The following THEMIS variants were observed in gnomAD, a reference collection of about 807,000 sequenced individuals.
THEMIS encodes the protein protein THEMIS.
A neutral mutation model predicts 52.6 loss-of-function variants in THEMIS; 37 were observed. The ratio of observed to expected loss-of-function variants is 0.70; its 90% CI spans 0.54 to 0.93. The LOEUF is 0.93. THEMIS is among the 40% of genes least tolerant of loss of function. THEMIS has a pLI of 0.00. For missense variants in THEMIS, 808 were observed against 763.1 expected, an observed-to-expected ratio of 1.06 and a Z score of -0.69; for synonymous variants, 292 against 272.7, an observed-to-expected ratio of 1.07 and a Z score of -0.70.
At chr6:127,735,917 A>G (rs1774989047) in intron 4 of THEMIS, among the ~76,000 whole-genome samples, 1 of 152,232 alleles carries the variant, frequency 6.6e-6, no homozygotes, top group African/African-American at 2.4e-5. Context: ...CAAATCCTGA[A>G]AGCATTCATG....
intron 4 of THEMIS, among the ~76,000 whole-genome samples, chr6:127,727,116 A>G (rs1774575157): frequency 6.6e-6 from 1 of 152,170 alleles, no homozygotes; most frequent in African/African-American, 2.4e-5. Context: ...GGCTTACTCA[A>G]AATGCTGATG....
At chr6:127,852,635 A>G (rs945231446) in intron 2 of THEMIS, among the ~76,000 whole-genome samples, 2 of 151,586 alleles carry the variant, frequency 1.3e-5, no homozygotes, top group Non-Finnish European at 3.0e-5. Flanking sequence ...TTTAAGTCAA[A>G]AATCTAATTG....
intron 4 of THEMIS, among the ~76,000 whole-genome samples, chr6:127,724,802 G>A (rs1334571522): frequency 6.6e-6 from 1 of 151,496 alleles, no homozygotes; most frequent in African/African-American, 2.4e-5. Flanking sequence ...ACAAAGAAAG[G>A]AACAAATAAA....
chr6:127,896,487 A>G (rs1377433106), intron 1 of THEMIS, among the ~76,000 whole-genome samples: 2 of 151,566 alleles, frequency 1.3e-5, no homozygotes, highest in Non-Finnish European at 1.5e-5. Flanking sequence ...AATGAAATAG[A>G]CTTAAATAAC....
chr6:127,858,156 T>G (rs1779679065), intron 1 of THEMIS, among the ~76,000 whole-genome samples: 1 of 152,076 alleles, frequency 6.6e-6, no homozygotes, highest in African/African-American at 2.4e-5. Context: ...AGATTTCATA[T>G]CAATTCACAT....
chr6:127,710,046 A>G (rs1409594196), intron 5 of THEMIS, 30 bp from the exon 6 acceptor site: 1 of 1,473,708 alleles, frequency 6.8e-7, no homozygotes, highest in Admixed American at 2.0e-5. Context: ...GGTTTATCAG[A>G]AATAAGTATT....
chr6:127,791,705 GC>G (rs1267928682), intron 4 of THEMIS, among the ~76,000 whole-genome samples: 4 of 152,144 alleles, frequency 2.6e-5, no homozygotes, highest in Non-Finnish European at 1.5e-5. Flanking sequence ...GCCAAGTGGT[GC>G]CTGCAAGACT....
chr6:127,861,783 CAA>C (rs1225783673), intron 1 of THEMIS, among the ~76,000 whole-genome samples: 6 of 95,704 alleles, frequency 6.3e-5, no homozygotes, highest in Non-Finnish European at 9.8e-5. Context: ...GACTCCATCT[CAA>C]AAAAAAAAAA....
chr6:127,870,002 G>A (rs772126044), intron 1 of THEMIS, among the ~76,000 whole-genome samples: 6 of 152,196 alleles, frequency 3.9e-5, no homozygotes, highest in Non-Finnish European at 8.8e-5. Context: ...GGTGGTGTCA[G>A]AAAAGGCAGA....
At chr6:127,866,768 A>G (rs1261228376) in intron 1 of THEMIS, among the ~76,000 whole-genome samples, 1 of 151,834 alleles carries the variant, frequency 6.6e-6, no homozygotes, top group Non-Finnish European at 1.5e-5. Flanking sequence ...ATCAAAAGAT[A>G]TACACACAAA....
In THEMIS at chr6:127,757,197, G is replaced by A. The variant is rs145810061; in HGVS notation, c.1759-37374C>T. On this transcript the variant is annotated intron_variant, in intron 4 of 5. Coordinates refer to ENST00000368248, the MANE Select transcript of THEMIS (RefSeq NM_001010923.3). Reference sequence around the variant, plus strand: ...TAGAAGCCCCAAGTGGCTAGTGGCCGTATTAGTCACCATCTACAGCGTATT... The same window carrying A: ...TAGAAGCCCCAAGTGGCTAGTGGCCATATTAGTCACCATCTACAGCGTATT... 9.3e-4 allele frequency among the ~76,000 whole-genome samples: 142 copies of A among 152,194 alleles called. 2 individuals carry two copies. In the Middle Eastern group the frequency reaches 0.014, roughly 15 times the overall value.
At chr6:127,706,876 G>T (rs1773814038), downstream of THEMIS, among the ~76,000 whole-genome samples, 2 of 152,166 alleles carry the variant, frequency 1.3e-5, no homozygotes, top group South Asian at 4.1e-4. Flanking sequence ...AATAGCCCTG[G>T]CATGGTTGAT....
chr6:127,774,756 C>A (rs1454504007), intron 4 of THEMIS, among the ~76,000 whole-genome samples: 1 of 152,152 alleles, frequency 6.6e-6, no homozygotes, highest in African/African-American at 2.4e-5. Flanking sequence ...CCCCAAATCT[C>A]ATCACCATCA....
chr6:127,834,160 T>A (rs1778793782), intron 2 of THEMIS, among the ~76,000 whole-genome samples: 1 of 152,124 alleles, frequency 6.6e-6, no homozygotes, highest in South Asian at 2.1e-4. Flanking sequence ...CACAGTAATT[T>A]AACTGAGTAT....
chr6:127,734,868 C>CAA lies in THEMIS; in HGVS notation c.1759-15047_1759-15046dup, dbSNP rs1197660495. 3.1e-3 allele frequency among the ~76,000 whole-genome samples: 101 copies of CAA among 32,950 alleles called. 8 individuals carry two copies. The highest frequency in any genetic ancestry group is 0.071 in the Middle Eastern group (2 of 28). The allele number at this position is 32,950 out of a possible 152,430, so 21.6% of individuals were successfully genotyped here. A position where few individuals can be genotyped will look rare whatever the true frequency, so the allele number is the denominator to read the frequency against. On this transcript the variant is annotated intron_variant, in intron 4 of 5. Coordinates refer to ENST00000368248, the MANE Select transcript of THEMIS (RefSeq NM_001010923.3). The stretch of plus-strand genomic sequence containing the variant: ...TGGGCGATAGAGCAAGGCTCTGTCT[C>CAA]AAAAAAAAAAAAAAAAAAAAAAAAA...
At chr6:127,816,858 G>A (rs112473702) in intron 3 of THEMIS, among the ~76,000 whole-genome samples, 2,014 of 152,074 alleles carry the variant, frequency 0.013, 46 homozygotes, top group African/African-American at 0.046. Context: ...GCTGTCTCCC[G>A]GACCTCCTCA....
intron 4 of THEMIS, among the ~76,000 whole-genome samples, chr6:127,772,916 C>A (rs898134281): frequency 6.6e-6 from 1 of 152,088 alleles, no homozygotes; most frequent in African/African-American, 2.4e-5. Context: ...GTTTATTAGA[C>A]TTCTCTTGGC....
chr6:127,736,851 C>CAAAAAAAAA (rs3057968), intron 4 of THEMIS, among the ~76,000 whole-genome samples: 27 of 104,816 alleles, frequency 2.6e-4, no homozygotes, highest in African/African-American at 3.8e-4. Flanking sequence ...ACCAAATGAT[C>CAAAAAAAAA]AAAAAAAAAA....
chr6:127,812,974 C>A lies in THEMIS; in HGVS notation c.1667G>T (p.Arg556Leu), dbSNP rs752223518. ...CTCTACTGAGGGGTGTTTCGGAGGG[C>A]GAGGTGGGGGATGTGAGGCTGAGCT... The part of the protein sequence containing the change: ...YESSASHPPP[R>L]PPKHPSVEET... Residue 556 changes from arginine to leucine, a missense_variant, in exon 4 of 6, where the codon CGC becomes CTC. By Grantham distance (102) the Arg-to-Leu change is moderately radical. Coordinates refer to ENST00000368248, the MANE Select transcript of THEMIS (RefSeq NM_001010923.3). The A allele has an allele frequency of 3.1e-6, 5 of 1,613,978 alleles. No homozygotes were observed. In the Admixed American group the frequency reaches 6.7e-5, roughly 22 times the overall value.
Sources: gnomAD v4.1 joint callset for allele counts (sites outside exome capture counted in the v4.1 genomes callset) on GRCh38, gnomAD v4.1.1 for gene constraint, MANE v1.5 for transcripts, NCBI Gene and HGNC (gene_info 2026-07-23, HGNC 2026-07-21) for gene names.